SRP19: variants seen among roughly 807,000 people sequenced by gnomAD.
SRP19 encodes signal recognition particle 19.
In SRP19, 11 loss-of-function variants were observed where a neutral mutation model predicts 22.4. That is an observed-to-expected ratio of 0.49 (90% CI 0.31 to 0.81). SRP19 has a LOEUF of 0.81. Among genes scored for constraint, SRP19 ranks in the 40% least tolerant of loss-of-function variants. The pLI is 0.05. For missense variants in SRP19, 168 were observed against 175.9 expected, an observed-to-expected ratio of 0.96 and a Z score of 0.25; for synonymous variants, 61 against 57.6, an observed-to-expected ratio of 1.06 and a Z score of -0.27.
At chr5:112,862,111 C>G (rs1190513330) in intron 1 of SRP19, among the ~76,000 whole-genome samples, 1 of 152,170 alleles carries the variant, frequency 6.6e-6, no homozygotes, top group Non-Finnish European at 1.5e-5. Context: ...ACACACAAAG[C>G]AAGGCAGCGA....
intron 4 of SRP19, chr5:112,891,552 G>C: frequency 3.9e-6 from 6 of 1,519,462 alleles, no homozygotes; most frequent in South Asian, 3.6e-5. Context: ...TTCATAAGTA[G>C]AATCACTGAC....
chr5:112,861,347 G>A lies in SRP19; in HGVS notation c.-30G>A, dbSNP rs781398135. ...GGGTTTCTGCCGGGTTTCTCCCTGC[G>A]GCTCCTGGGTTGTTGAGACTCTTGT... On this transcript the variant is annotated 5_prime_UTR_variant, in exon 1 of 5. Transcript: ENST00000505459. 1.2e-6 allele frequency: 2 copies of A among 1,614,116 alleles called. No homozygotes were observed. The highest frequency in any genetic ancestry group is 2.7e-5 in the African/African-American group (2 of 75,060).
intron 1 of SRP19, 112 bp downstream of exon 1, chr5:112,861,529 C>T: frequency 1.7e-6 from 2 of 1,198,464 alleles, no homozygotes; most frequent in Non-Finnish European, 2.4e-6. Flanking sequence ...GCTGATCCAA[C>T]TCGCTCTGTA....
downstream of SRP19, chr5:112,897,222 A>G (rs1433064229): frequency 6.6e-6 from 1 of 152,158 alleles, no homozygotes; most frequent in Non-Finnish European, 1.5e-5. Flanking sequence ...ATATATACAC[A>G]TACACACAGA....
downstream of SRP19, chr5:112,893,094 T>TAAAAAAA (rs552226372): frequency 3.2e-4 from 161 of 501,402 alleles, no homozygotes; most frequent in Middle Eastern, 6.8e-4. Context: ...GTTTTGTTCT[T>TAAAAAAA]AAAAAAAAAA....
At chr5:112,872,322 C>CTT (rs759571945), downstream of SRP19, among the ~76,000 whole-genome samples, 3,762 of 92,602 alleles carry the variant, frequency 0.041, 267 homozygotes, top group East Asian at 0.15. Flanking sequence ...CCAAATGATT[C>CTT]TTTTTTTTTT....
At chr5:112,864,296 G>C in intron 2 of SRP19, 161 bp from the exon 3 acceptor site, 2 of 622,178 alleles carry the variant, frequency 3.2e-6, no homozygotes, top group Non-Finnish European at 5.6e-6. Flanking sequence ...GTTATTCCTA[G>C]GAATTTTTAA....
downstream of SRP19, chr5:112,894,841 T>C (rs915800315): frequency 2.0e-5 from 3 of 152,194 alleles, no homozygotes; most frequent in South Asian, 2.1e-4. Flanking sequence ...TATTCCTACA[T>C]AGAATATCTG....
exon 5 of SRP19, chr5:112,892,497 A>G: frequency 6.2e-7 from 1 of 1,614,228 alleles, no homozygotes; most frequent in Non-Finnish European, 8.5e-7. Flanking sequence ...AAGAATGCCA[A>G]GCAGCCCTTT....
chr5:112,878,331 T>C (rs539722285), intron 4 of SRP19: 2 of 158,130 alleles, frequency 1.3e-5, no homozygotes, highest in South Asian at 1.9e-4. Flanking sequence ...GACAGTAACA[T>C]TTCCATATGT....
chr5:112,865,590 C>T (rs1485294251), intron 4 of SRP19, among the ~76,000 whole-genome samples: 1 of 151,452 alleles, frequency 6.6e-6, no homozygotes, highest in Non-Finnish European at 1.5e-5. Flanking sequence ...GTCAGACGAA[C>T]TGACAGCTTG....
At chr5:112,893,236 C>G (rs1768556518), downstream of SRP19, 1 of 318,034 alleles carries the variant, frequency 3.1e-6, no homozygotes, top group Non-Finnish European at 5.9e-6. Flanking sequence ...ATGGCAAAAC[C>G]CCATTTCTAC....
downstream of SRP19, among the ~76,000 whole-genome samples, chr5:112,874,749 A>G (rs1293025205): frequency 6.7e-6 from 1 of 149,194 alleles, no homozygotes; most frequent in East Asian, 2.0e-4. Flanking sequence ...CTCCATCCCC[A>G]TCCTCCATCA....
At chr5:112,883,139 T>C (rs1048038068) in intron 4 of SRP19, among the ~76,000 whole-genome samples, 1 of 152,264 alleles carries the variant, frequency 6.6e-6, no homozygotes, top group Admixed American at 6.5e-5. Context: ...AAAAAAACTT[T>C]TAAAATTTCA....
downstream of SRP19, among the ~76,000 whole-genome samples, chr5:112,873,292 C>CT (rs1767800544): frequency 1.1e-4 from 4 of 37,360 alleles, no homozygotes; most frequent in Non-Finnish European, 1.5e-4. Flanking sequence ...TTTTTTTTTT[C>CT]TTTTTTGCCT....
intron 4 of SRP19, among the ~76,000 whole-genome samples, chr5:112,866,590 A>G (rs929646393): frequency 6.6e-6 from 1 of 152,162 alleles, no homozygotes; most frequent in Non-Finnish European, 1.5e-5. Flanking sequence ...TCAGCCTCCC[A>G]AAGAGCTGAG....
chr5:112,887,174 G>A, intron 4 of SRP19: 1 of 1,599,240 alleles, frequency 6.3e-7, no homozygotes, highest in Non-Finnish European at 8.5e-7. Context: ...CACCACAACA[G>A]GAAGCCACAC....
chr5:112,861,943 G>A (rs1293020351), intron 1 of SRP19, among the ~76,000 whole-genome samples: 2 of 152,016 alleles, frequency 1.3e-5, no homozygotes, highest in South Asian at 2.1e-4. Context: ...GTTAAAGTGA[G>A]GTAATTTAAA....
chr5:112,876,928 C>A (rs1767912582), intron 4 of SRP19: 1 of 152,068 alleles, frequency 6.6e-6, no homozygotes, highest in Non-Finnish European at 1.5e-5. Flanking sequence ...CTCATCTTGT[C>A]TGATAATATA....
Sources: allele counts gnomAD v4.1 joint callset (sites outside exome capture counted in the v4.1 genomes callset), GRCh38; gene constraint gnomAD v4.1.1; transcripts MANE v1.5; gene names NCBI Gene and HGNC (gene_info 2026-07-23, HGNC 2026-07-21).